The following RNLS variants were observed in gnomAD, a reference collection of about 807,000 sequenced individuals.
The protein encoded by RNLS is renalase, FAD dependent amine oxidase.
RNLS carries 39 observed loss-of-function variants against 39.8 expected under a neutral mutation model. That is an observed-to-expected ratio of 0.98 (90% confidence interval 0.76 to 1.28). The LOEUF (loss-of-function observed/expected upper bound fraction) is 1.28. Ranked by LOEUF, RNLS falls within the 50% of genes most tolerant of loss-of-function variation. The pLI is 0.00. For synonymous variants in RNLS, 147 were observed against 150.7 expected (o/e 0.98, Z 0.18); for missense variants, 410 against 413.3 (o/e 0.99, Z 0.07).
chr10:88,285,043 A>G lies in RNLS; in HGVS notation c.*311T>C, dbSNP rs982798244. ...TCAAGTTTTTGGCACACAAACTGTT[A>G]TTGTGATTTAATGTAATTTTTTTGA... On this transcript the variant is annotated 3_prime_UTR_variant, in exon 7 of 7. Transcript: ENST00000331772. 8.0e-6 allele frequency: 8 copies of G among 1,003,926 alleles called. No individual in the cohort carries two copies. The Admixed American group carries it at 1.7e-4, about 22-fold the overall frequency. 62.2% of individuals were successfully genotyped at this position (1,003,926 alleles called of 1,614,324 possible). A position where few individuals can be genotyped will look rare whatever the true frequency, so the allele number is the denominator to read the frequency against.
chr10:88,236,681 A>T, the RNLS span, among the ~76,000 whole-genome samples: 13 of 152,316 alleles, frequency 8.5e-5, no homozygotes, highest in Non-Finnish European at 1.5e-4. Flanking sequence ...GAGCTGTTAT[A>T]ATCATTCATT....
In RNLS at chr10:88,495,436, T is replaced by A. The variant is rs80104622; in HGVS notation, c.526+77467A>T. On this transcript the variant is annotated intron_variant, in intron 4 of 6. Coordinates refer to ENST00000331772, the MANE Select transcript of RNLS (RefSeq NM_001031709.3). ...ACTCTTATGGCAAATGGTTATATTA[T>A]GTTAGACAAGTAGATTAAACTTTGC... Among the ~76,000 whole-genome samples the A allele has an allele frequency of 2.3e-3, 356 of 152,292 alleles. 5 individuals are homozygous for A. The East Asian group carries it at 0.057, about 24-fold the overall frequency.
intron 5 of RNLS, among the ~76,000 whole-genome samples, chr10:88,346,690 A>G (rs573502587): frequency 6.6e-6 from 1 of 152,302 alleles, no homozygotes; most frequent in South Asian, 2.1e-4. Context: ...AGAGTTGCAA[A>G]AAGGACTACT....
intron 4 of RNLS, among the ~76,000 whole-genome samples, chr10:88,403,697 C>CT (rs561564391): frequency 6.8e-4 from 101 of 148,448 alleles, no homozygotes; most frequent in African/African-American, 2.1e-3. Flanking sequence ...ATTCTTGTAG[C>CT]TTTTTTTTTT....
chr10:88,546,675 T>C (rs1349711532), intron 4 of RNLS, among the ~76,000 whole-genome samples: 2 of 152,104 alleles, frequency 1.3e-5, no homozygotes, highest in African/African-American at 4.8e-5. Flanking sequence ...GAGGGAAAAA[T>C]AGAAATTTTG....
At chr10:88,225,081 T>C in the RNLS span, among the ~76,000 whole-genome samples, 1 of 152,198 alleles carries the variant, frequency 6.6e-6, no homozygotes, top group Admixed American at 6.5e-5. Context: ...TGTGTGGATA[T>C]TTGGATTTAA....
At chr10:88,206,075 T>C in the RNLS span, among the ~76,000 whole-genome samples, 1 of 152,170 alleles carries the variant, frequency 6.6e-6, no homozygotes, top group African/African-American at 2.4e-5. Context: ...TTAGCTTCTT[T>C]GGGGTTTCTG....
intron 4 of RNLS, among the ~76,000 whole-genome samples, chr10:88,474,408 C>T (rs1056493608): frequency 6.6e-6 from 1 of 152,168 alleles, no homozygotes; most frequent in African/African-American, 2.4e-5. Context: ...GTTCCCACAC[C>T]TATGTCCCTC....
chr10:88,355,816 T>C (rs1589634384), intron 5 of RNLS, among the ~76,000 whole-genome samples: 1 of 152,088 alleles, frequency 6.6e-6, no homozygotes, highest in Non-Finnish European at 1.5e-5. Flanking sequence ...AGAGGTGGGG[T>C]CTACAGAGGC....
chr10:88,567,051 A>G (rs1849539918), intron 4 of RNLS, among the ~76,000 whole-genome samples: 1 of 152,286 alleles, frequency 6.6e-6, no homozygotes, highest in Admixed American at 6.5e-5. Context: ...CATTTATAAA[A>G]GTTTATTTGA....
At chr10:88,333,224 A>G (rs1051075623) in intron 5 of RNLS, among the ~76,000 whole-genome samples, 1 of 152,250 alleles carries the variant, frequency 6.6e-6, no homozygotes, top group African/African-American at 2.4e-5. Flanking sequence ...GGTTATGTAC[A>G]GTGTAAATCT....
intron 5 of RNLS, among the ~76,000 whole-genome samples, chr10:88,336,206 T>C (rs994517317): frequency 2.0e-5 from 3 of 152,330 alleles, no homozygotes; most frequent in Non-Finnish European, 4.4e-5. Context: ...TACTAGCTTT[T>C]AAAAAACCGA....
the RNLS span, among the ~76,000 whole-genome samples, chr10:88,225,198 C>A: frequency 6.6e-6 from 1 of 152,208 alleles, no homozygotes; most frequent in African/African-American, 2.4e-5. Flanking sequence ...GACCTCTTCA[C>A]GAGTGTACAC....
At chr10:88,414,380 C>A (rs1589752434) in intron 4 of RNLS, among the ~76,000 whole-genome samples, 1 of 152,200 alleles carries the variant, frequency 6.6e-6, no homozygotes, top group East Asian at 1.9e-4. Context: ...GTTTCCATTT[C>A]TTTTCTTTAC....
chr10:88,331,793 T>C (rs866375107), intron 5 of RNLS, among the ~76,000 whole-genome samples: 1 of 152,152 alleles, frequency 6.6e-6, no homozygotes, highest in Non-Finnish European at 1.5e-5. Context: ...CGAGAGTTAC[T>C]ACAATTTAGC....
chr10:88,213,315 A>G, the RNLS span, among the ~76,000 whole-genome samples: 21 of 152,046 alleles, frequency 1.4e-4, 1 homozygote, highest in Admixed American at 6.6e-5. Context: ...TACAGTCCCC[A>G]TTTCATAAAA....
chr10:88,413,499 C>A (rs1589751061), intron 4 of RNLS, among the ~76,000 whole-genome samples: 1 of 152,136 alleles, frequency 6.6e-6, no homozygotes, highest in Non-Finnish European at 1.5e-5. Flanking sequence ...GGTATTATAC[C>A]TACTGGATTT....
At chr10:88,456,991 G>A (rs971610730) in intron 4 of RNLS, among the ~76,000 whole-genome samples, 1 of 152,064 alleles carries the variant, frequency 6.6e-6, no homozygotes, top group Non-Finnish European at 1.5e-5. Flanking sequence ...CCAAATGGTC[G>A]GTGAAGCAAA....
chr10:88,252,476 G>A, the RNLS span, among the ~76,000 whole-genome samples: 1 of 152,192 alleles, frequency 6.6e-6, no homozygotes, highest in Non-Finnish European at 1.5e-5. Flanking sequence ...CAGACCTCAC[G>A]AGGTGGGTGG....
Sources: gnomAD v4.1 joint callset for allele counts (sites outside exome capture counted in the v4.1 genomes callset) on GRCh38, gnomAD v4.1.1 for gene constraint, MANE v1.5 for transcripts, NCBI Gene and HGNC (gene_info 2026-07-23, HGNC 2026-07-21) for gene names.